Variants in NAALADL2 observed in about 807,000 individuals in gnomAD.
NAALADL2 encodes the protein inactive N-acetylated-alpha-linked acidic dipeptidase-like protein 2.
Under a neutral mutation model 87.2 loss-of-function variants are expected in NAALADL2, and 76 were observed. That is an observed-to-expected ratio of 0.87 (90% CI 0.72 to 1.05). The LOEUF (loss-of-function observed/expected upper bound fraction) is 1.05. Ranked by LOEUF, NAALADL2 falls within the 50% of genes least tolerant of loss-of-function variation. The pLI is 0.00. For missense variants in NAALADL2, 1,089 were observed against 945.8 expected, an observed-to-expected ratio of 1.15 and a Z score of -1.99; for synonymous variants, 354 against 331.0, an observed-to-expected ratio of 1.07 and a Z score of -0.75.
intron 4 of NAALADL2, among the ~76,000 whole-genome samples, chr3:175,262,331 C>T (rs113944648): frequency 0.01 from 1,542 of 152,046 alleles, 26 homozygotes; most frequent in African/African-American, 0.035. Context: ...CCCTTAAGAA[C>T]ATTTGTTCAA....
chr3:175,202,045 A>AT (rs1230098686), intron 2 of NAALADL2, among the ~76,000 whole-genome samples: 1 of 151,764 alleles, frequency 6.6e-6, no homozygotes, highest in Admixed American at 6.6e-5. Flanking sequence ...GGTCATTACT[A>AT]TTTATTTTTT....
intron 8 of NAALADL2, among the ~76,000 whole-genome samples, chr3:175,470,484 T>A (rs546923110): frequency 6.6e-6 from 1 of 152,256 alleles, no homozygotes; most frequent in Non-Finnish European, 1.5e-5. Context: ...CATTTTAAGC[T>A]GTCAATTTAC....
intron 1 of NAALADL2, among the ~76,000 whole-genome samples, chr3:174,942,830 A>G (rs184778510): frequency 1.3e-5 from 2 of 152,258 alleles, no homozygotes; most frequent in East Asian, 3.9e-4. Flanking sequence ...TTATTCTGCT[A>G]ATACTTGTGA....
intron 9 of NAALADL2, among the ~76,000 whole-genome samples, chr3:175,512,784 C>T (rs1731335701): frequency 1.3e-5 from 2 of 152,176 alleles, no homozygotes; most frequent in Admixed American, 6.5e-5. Context: ...CTGCATGTTT[C>T]TTCTTCTCTG....
intron 3 of NAALADL2, among the ~76,000 whole-genome samples, chr3:174,836,674 A>ACTCCAGC (rs1439883613): frequency 7.5e-6 from 1 of 132,562 alleles, no homozygotes; most frequent in Non-Finnish European, 1.5e-5. Flanking sequence ...GCGCCACAGC[A>ACTCCAGC]CTCCAGCCTG....
At chr3:174,774,903 T>G (rs1007576236) in intron 3 of NAALADL2, among the ~76,000 whole-genome samples, 3 of 152,182 alleles carry the variant, frequency 2.0e-5, no homozygotes, top group African/African-American at 7.2e-5. Context: ...TGGATTTAAT[T>G]TAATGATTTT....
At chr3:174,939,616 AAT>A in intron 1 of NAALADL2, among the ~76,000 whole-genome samples, 1 of 152,178 alleles carries the variant, frequency 6.6e-6, no homozygotes, top group South Asian at 2.1e-4. Flanking sequence ...CCATTTTAAT[AAT>A]AGTCATTCTT....
intron 1 of NAALADL2, among the ~76,000 whole-genome samples, chr3:174,519,024 C>G (rs985316960): frequency 2.0e-5 from 3 of 152,150 alleles, no homozygotes; most frequent in African/African-American, 7.2e-5. Flanking sequence ...CAAGGTATCT[C>G]TCTGTATTTC....
intron 2 of NAALADL2, among the ~76,000 whole-genome samples, chr3:175,187,955 G>A (rs1468685292): frequency 6.6e-6 from 1 of 152,016 alleles, no homozygotes; most frequent in Non-Finnish European, 1.5e-5. Flanking sequence ...CATTTTTCCT[G>A]TACGTATTTT....
At chr3:174,878,181 C>A (rs1419237496) in intron 1 of NAALADL2, among the ~76,000 whole-genome samples, 1 of 152,022 alleles carries the variant, frequency 6.6e-6, no homozygotes, top group African/African-American at 2.4e-5. Context: ...TGAAAACAAG[C>A]AAATTTCATA....
At chr3:174,982,304 G>T (rs1745227342) in intron 1 of NAALADL2, among the ~76,000 whole-genome samples, 1 of 151,990 alleles carries the variant, frequency 6.6e-6, no homozygotes, top group Admixed American at 6.6e-5. Context: ...GGGAGCTGAG[G>T]TCATGATTTC....
At chr3:174,880,864 T>C (rs1405252978) in intron 1 of NAALADL2, among the ~76,000 whole-genome samples, 3 of 152,246 alleles carry the variant, frequency 2.0e-5, no homozygotes, top group African/African-American at 7.2e-5. Context: ...AGATCCATAT[T>C]GAGGCTCTGA....
At chr3:174,931,658 A>G (rs938022106) in intron 1 of NAALADL2, among the ~76,000 whole-genome samples, 2 of 152,186 alleles carry the variant, frequency 1.3e-5, no homozygotes, top group Non-Finnish European at 2.9e-5. Context: ...TCAAGGGTAG[A>G]TAAGATCCAA....
chr3:175,012,098 G>A (rs565939490), intron 1 of NAALADL2, among the ~76,000 whole-genome samples: 30 of 152,206 alleles, frequency 2.0e-4, no homozygotes, highest in Admixed American at 7.2e-4. Flanking sequence ...TTCCCTATAC[G>A]GGAGACAACT....
intron 11 of NAALADL2, among the ~76,000 whole-genome samples, chr3:175,717,638 C>T (rs949989246): frequency 1.2e-4 from 18 of 150,500 alleles, no homozygotes; most frequent in African/African-American, 4.4e-4. Flanking sequence ...CCACAGTGAC[C>T]CAAGATCGTA....
intron 1 of NAALADL2, among the ~76,000 whole-genome samples, chr3:175,089,610 AT>A (rs1367926074): frequency 3.9e-5 from 6 of 152,198 alleles, no homozygotes; most frequent in African/African-American, 1.4e-4. Context: ...TTAGCATATA[AT>A]TTTGGATGAT....
intron 2 of NAALADL2, among the ~76,000 whole-genome samples, chr3:174,600,935 A>G (rs764260490): frequency 1.2e-4 from 18 of 152,174 alleles, no homozygotes; most frequent in Non-Finnish European, 4.4e-5. Flanking sequence ...AAGGACATGA[A>G]TTCAAACTAT....
chr3:175,490,337 G>T (rs1727874515), intron 9 of NAALADL2, among the ~76,000 whole-genome samples: 1 of 151,968 alleles, frequency 6.6e-6, no homozygotes, highest in African/African-American at 2.4e-5. Flanking sequence ...TTGTTTTAAT[G>T]AATCTTTTTC....
chr3:175,000,246 T>C (rs1383208479), intron 1 of NAALADL2, among the ~76,000 whole-genome samples: 2 of 152,206 alleles, frequency 1.3e-5, no homozygotes, highest in Non-Finnish European at 2.9e-5. Flanking sequence ...CGATCAATAA[T>C]TGCATAATGT....
Sources: allele counts gnomAD v4.1 joint callset (sites outside exome capture counted in the v4.1 genomes callset), GRCh38; gene constraint gnomAD v4.1.1; transcripts MANE v1.5; gene names NCBI Gene and HGNC (gene_info 2026-07-23, HGNC 2026-07-21).